The following TRIQK variants were observed in gnomAD, a reference collection of about 807,000 sequenced individuals.
The protein encoded by TRIQK is triple QxxK/R motif-containing protein.
TRIQK carries 10 observed loss-of-function variants against 10.8 expected under a neutral mutation model. That is an observed-to-expected ratio of 0.92 (90% CI 0.57 to 1.57). TRIQK has a LOEUF of 1.57. TRIQK is among the 40% of genes most tolerant of loss of function. The pLI is 0.00. For synonymous variants in TRIQK, 33 were observed against 33.7 expected (o/e 0.98, Z 0.07); for missense variants, 107 against 97.7 (o/e 1.09, Z -0.40).
intron 2 of TRIQK, chr8:92,921,681 T>A (rs770909850): frequency 6.6e-6 from 1 of 151,836 alleles, no homozygotes; most frequent in East Asian, 1.9e-4. Context: ...AAAAAATAAA[T>A]TTGCAGCATT....
rs578207067 is a variant in TRIQK, at chr8:92,981,029, G to T, written c.-180-26465C>A. The stretch of plus-strand genomic sequence containing the variant: ...AATTTTTCTCTGAGTTCTATTATGA[G>T]CATGGAGTATACATTTTGATAAATA... On this transcript the variant is annotated intron_variant, in intron 1 of 4. Coordinates refer to the TRIQK transcript ENST00000520686. Among the ~76,000 whole-genome samples the T allele has an allele frequency of 8.6e-4, 130 of 151,226 alleles. 1 individual carries two copies. Among genetic ancestry groups the T allele is most frequent in the Non-Finnish European group, 1.5e-3 (102 of 67,734 alleles).
intron 1 of TRIQK, among the ~76,000 whole-genome samples, chr8:92,991,856 A>T (rs1373276690): frequency 1.3e-5 from 2 of 152,146 alleles, no homozygotes; most frequent in Non-Finnish European, 2.9e-5. Flanking sequence ...CCTATACACT[A>T]ACGATAGACA....
chr8:92,969,261 C>G (rs1041546333), upstream of TRIQK, among the ~76,000 whole-genome samples: 6 of 151,998 alleles, frequency 3.9e-5, no homozygotes, highest in African/African-American at 7.2e-5. Context: ...TTAGGATTTT[C>G]TTGGCTATAT....
intron 3 of TRIQK, among the ~76,000 whole-genome samples, chr8:92,896,040 G>T (rs1215603708): frequency 1.3e-5 from 2 of 152,088 alleles, no homozygotes; most frequent in Admixed American, 6.6e-5. Context: ...ATGAGAGAAA[G>T]ACCTCAAAGA....
chr8:92,946,762 CT>C (rs1274409030), intron 2 of TRIQK, among the ~76,000 whole-genome samples: 98 of 141,884 alleles, frequency 6.9e-4, no homozygotes, highest in Non-Finnish European at 8.5e-4. Context: ...TTTTATTTTA[CT>C]TTTTTTTTTT....
intron 1 of TRIQK, among the ~76,000 whole-genome samples, chr8:92,991,424 C>A (rs1813095563): frequency 1.3e-5 from 2 of 152,196 alleles, no homozygotes; most frequent in Non-Finnish European, 2.9e-5. Context: ...ACTGCCTCTT[C>A]AAGTGGGTCC....
intron 1 of TRIQK, among the ~76,000 whole-genome samples, chr8:93,002,232 T>C (rs1813217904): frequency 6.6e-6 from 1 of 151,896 alleles, no homozygotes; most frequent in Admixed American, 6.6e-5. Context: ...AAGTAAAAGC[T>C]AAACCCCATA....
chr8:92,952,150 T>A (rs892915662), intron 2 of TRIQK, among the ~76,000 whole-genome samples: 1 of 151,312 alleles, frequency 6.6e-6, no homozygotes, highest in Non-Finnish European at 1.5e-5. Context: ...GTTGAAATTA[T>A]CAAACTGGAA....
intron 3 of TRIQK, among the ~76,000 whole-genome samples, chr8:92,911,140 G>A (rs1228346608): frequency 6.6e-6 from 1 of 151,080 alleles, no homozygotes; most frequent in African/African-American, 2.4e-5. Flanking sequence ...AGTAAGAGTG[G>A]AGCTTTTGAA....
In TRIQK at chr8:92,939,298, T is replaced by C. The variant is rs1811152605; in HGVS notation, c.-22+15108A>G. 2.0e-5 allele frequency among the ~76,000 whole-genome samples: 3 copies of C among 152,258 alleles called. No individual in the cohort carries two copies. In the South Asian group the frequency reaches 6.2e-4, roughly 32 times the overall value. Reference sequence around the variant, plus strand: ...TATGAAGACGTGCCATTCTGAGTGGTCCAAACCTTAATATCTCCCCACTCT... The same window carrying C: ...TATGAAGACGTGCCATTCTGAGTGGCCCAAACCTTAATATCTCCCCACTCT... On this transcript the variant is annotated intron_variant, in intron 2 of 4. Coordinates refer to ENST00000521988, the MANE Select transcript of TRIQK (RefSeq NM_001171797.2).
chr8:92,916,656 A>G (rs1809866768), intron 3 of TRIQK, among the ~76,000 whole-genome samples: 1 of 152,042 alleles, frequency 6.6e-6, no homozygotes, highest in Non-Finnish European at 1.5e-5. Context: ...GATTATATAA[A>G]AGCATTCAGC....
intron 1 of TRIQK, among the ~76,000 whole-genome samples, chr8:92,955,489 G>A (rs1812123106): frequency 6.6e-6 from 1 of 151,484 alleles, no homozygotes; most frequent in South Asian, 2.1e-4. Context: ...GAAATCGTAG[G>A]AATAAAACTT....
intron 4 of TRIQK, 42 bp downstream of exon 4, chr8:92,891,947 C>T: frequency 7.5e-7 from 1 of 1,335,862 alleles, no homozygotes; most frequent in Non-Finnish European, 1.0e-6. Context: ...AATGAAATGG[C>T]ATGCACATAT....
chr8:92,915,292 T>C (rs1016576757), intron 3 of TRIQK, among the ~76,000 whole-genome samples: 2 of 152,132 alleles, frequency 1.3e-5, no homozygotes, highest in Non-Finnish European at 1.5e-5. Context: ...ATATACCACA[T>C]GAGAACTACA....
chr8:92,991,091 G>C (rs1392140593), intron 1 of TRIQK, among the ~76,000 whole-genome samples: 1 of 152,124 alleles, frequency 6.6e-6, no homozygotes, highest in Non-Finnish European at 1.5e-5. Context: ...TATTACTAAG[G>C]CTTGAGTAGG....
At chr8:92,974,219 T>G (rs994485118) in intron 1 of TRIQK, 2 of 152,296 alleles carry the variant, frequency 1.3e-5, no homozygotes, top group Non-Finnish European at 2.9e-5. Flanking sequence ...CTACATCTAC[T>G]AGCTGCTGGA....
intron 3 of TRIQK, among the ~76,000 whole-genome samples, chr8:92,894,954 G>A (rs1185900137): frequency 1.3e-5 from 2 of 152,070 alleles, no homozygotes; most frequent in Admixed American, 1.3e-4. Flanking sequence ...GGTTTAATGT[G>A]TCCCCCAAAA....
At chr8:92,994,441 C>T (rs1813130732) in intron 1 of TRIQK, among the ~76,000 whole-genome samples, 1 of 151,784 alleles carries the variant, frequency 6.6e-6, no homozygotes, top group Admixed American at 6.6e-5. Flanking sequence ...TTAAAAATCA[C>T]ATAATTTTTT....
At chr8:92,925,445 G>C (rs962137721) in intron 2 of TRIQK, among the ~76,000 whole-genome samples, 1 of 152,000 alleles carries the variant, frequency 6.6e-6, no homozygotes, top group Non-Finnish European at 1.5e-5. Context: ...TAAGAAAATA[G>C]GTTATTACAG....
Sources: gnomAD v4.1 joint callset for allele counts (sites outside exome capture counted in the v4.1 genomes callset) on GRCh38, gnomAD v4.1.1 for gene constraint, MANE v1.5 for transcripts, NCBI Gene and HGNC (gene_info 2026-07-23, HGNC 2026-07-21) for gene names.